The following PRR11 variants were observed in gnomAD, a reference collection of about 807,000 sequenced individuals.
The protein encoded by PRR11 is proline rich 11.
In PRR11, 30 loss-of-function variants were observed where a neutral mutation model predicts 45.6. That is an observed-to-expected ratio of 0.66 (90% CI 0.49 to 0.89). The LOEUF (loss-of-function observed/expected upper bound fraction) is 0.89, where lower values mean the gene tolerates loss of function less well. PRR11 is among the 40% of genes least tolerant of loss of function. The pLI is 0.00. For missense variants in PRR11, 373 were observed against 424.8 expected, an observed-to-expected ratio of 0.88 and a Z score of 1.07; for synonymous variants, 128 against 153.5, an observed-to-expected ratio of 0.83 and a Z score of 1.23.
intron 2 of PRR11, chr17:59,177,388 C>T (rs540276801): frequency 4.0e-5 from 20 of 501,476 alleles, no homozygotes; most frequent in African/African-American, 3.3e-4. Context: ...TGACTGTGCT[C>T]ATGTGGAAAT....
chr17:59,162,802 C>T (rs529154315), intron 1 of PRR11, among the ~76,000 whole-genome samples: 33 of 146,600 alleles, frequency 2.3e-4, no homozygotes, highest in African/African-American at 7.7e-4. Context: ...GATCTCGGCT[C>T]ACCGCAACCT....
In PRR11 at chr17:59,197,777, G is replaced by T. The variant is rs1321285013; in HGVS notation, c.1002G>T (p.Arg334Ser). The T allele has an allele frequency of 1.2e-6, 2 of 1,613,456 alleles. No individual in the cohort carries two copies. The highest frequency in any genetic ancestry group is 2.2e-5 in the South Asian group (2 of 91,072). The change falls in exon 9 of 10, where the codon AGG (arginine) becomes AGT (serine). Residue 334 changes from arginine (R) to serine (S), a missense_variant. Coordinates refer to ENST00000262293, the MANE Select transcript of PRR11 (RefSeq NM_018304.4). ...CTCCAGTGATGACGCAGGCCTTAAGGAGAAAGTTTCAGGTAACCCTTTAGG... is the reference window on the plus strand; with the variant it reads ...CTCCAGTGATGACGCAGGCCTTAAGTAGAAAGTTTCAGGTAACCCTTTAGG... ...GLTPVMTQAL[R>S]RKFQLAHPRS...
chr17:59,197,512 A>T, intron 7 of PRR11, 32 bp from the exon 8 acceptor site: 1 of 1,597,600 alleles, frequency 6.3e-7, no homozygotes, highest in South Asian at 1.1e-5. Context: ...CAGCCTCCCA[A>T]AGTTCTAATT....
chr17:59,185,205 G>C lies in PRR11; in HGVS notation c.279+1G>C, dbSNP rs947379688. 6.2e-7 allele frequency: 1 copy of C among 1,613,334 alleles called. No homozygotes were observed. Among genetic ancestry groups the C allele is most frequent in the Non-Finnish European group, 8.5e-7 (1 of 1,179,654 alleles). The stretch of plus-strand genomic sequence containing the variant: ...CTGGTGCCAGAACTGCATAACCCAG[G>C]TATGGATGTGACATCCCTGTTTTCA... On this transcript the variant is annotated splice_donor_variant, in intron 3 of 9. Coordinates refer to ENST00000262293, the MANE Select transcript of PRR11 (RefSeq NM_018304.4). LOFTEE classifies it high-confidence loss of function.
At position 59,185,216 on chromosome 17, in the gene PRR11, A is replaced by T; in HGVS notation, c.279+12A>T. On this transcript the variant is annotated intron_variant, in intron 3 of 9. Transcript: ENST00000262293. ...ACTGCATAACCCAGGTATGGATGTG[A>T]CATCCCTGTTTTCAGTGCTATAGTT... 1 of 1,612,848 alleles carries T rather than the reference A, an allele frequency of 6.2e-7. No individual in the cohort carries two copies.
chr17:59,175,466 A>G (rs1253833218), intron 2 of PRR11, among the ~76,000 whole-genome samples: 1 of 152,172 alleles, frequency 6.6e-6, no homozygotes, highest in Admixed American at 6.5e-5. Flanking sequence ...TCTCTATAAA[A>G]AATGTAAAAG....
At chr17:59,189,686 T>A (rs2046832044) in intron 4 of PRR11, among the ~76,000 whole-genome samples, 2 of 152,114 alleles carry the variant, frequency 1.3e-5, no homozygotes, top group Non-Finnish European at 2.9e-5. Context: ...AGCAAAAAAA[T>A]TAAATTAAAC....
rs1258308698 is a variant in PRR11, at chr17:59,155,752, G to A, written c.-59G>A. 6.2e-6 allele frequency: 1 copy of A among 162,554 alleles called. No homozygotes were observed. Among genetic ancestry groups the A allele is most frequent in the Non-Finnish European group, 1.4e-5 (1 of 72,976 alleles). 10.1% of individuals were successfully genotyped at this position (162,554 alleles called of 1,614,324 possible). On this transcript the variant is annotated 5_prime_UTR_variant, in exon 1 of 10. It removes an upstream start codon present in the reference 5' UTR. Transcript: ENST00000262293. Reference sequence around the variant, plus strand: ...GATTTAATTTTGAATTTTTCTTTATGGCGTGGGAGAGGCCACAGCCCGGAC... The same window carrying A: ...GATTTAATTTTGAATTTTTCTTTATAGCGTGGGAGAGGCCACAGCCCGGAC...
At chr17:59,174,863 G>T (rs1043816395) in intron 2 of PRR11, 1 of 1,236,284 alleles carries the variant, frequency 8.1e-7, no homozygotes, top group Non-Finnish European at 1.2e-6. Flanking sequence ...CCCTTAAGAA[G>T]ATGGGGACTC....
chr17:59,164,878 C>CA lies in PRR11; in HGVS notation c.-5-4857dup, dbSNP rs1164045099. 2.5e-3 allele frequency among the ~76,000 whole-genome samples: 330 copies of CA among 130,088 alleles called. 1 individual carries two copies. In the South Asian group the frequency reaches 0.027, roughly 11 times the overall value. The allele number at this position is 130,088 out of a possible 152,430, so 85.3% of individuals were successfully genotyped here. On this transcript the variant is annotated intron_variant, in intron 1 of 9. Coordinates refer to ENST00000262293, the MANE Select transcript of PRR11 (RefSeq NM_018304.4). ...TGCACGACAGAGCAAGACCGTGTCT[C>CA]AAAAAAAAAAAAAGGTCCTGACCAT...
Position 59,206,381 on chromosome 17 carries a change from A to G in PRR11, c.*4750A>G, listed in dbSNP as rs555815551. On this transcript the variant is annotated 3_prime_UTR_variant, in exon 10 of 10. Coordinates refer to ENST00000262293, the MANE Select transcript of PRR11 (RefSeq NM_018304.4). ...AAGACTCCATCTCAAAAAGAAAAGA[A>G]AAAATGCTTTGCTACATAATGAGGC... Among the ~76,000 whole-genome samples, 27 of 152,296 alleles carry G rather than the reference A, an allele frequency of 1.8e-4. No homozygotes were observed. Among genetic ancestry groups the G allele is most frequent in the African/African-American group, 6.3e-4 (26 of 41,556 alleles).
At chr17:59,166,818 A>G (rs1599691797) in intron 1 of PRR11, among the ~76,000 whole-genome samples, 1 of 152,124 alleles carries the variant, frequency 6.6e-6, no homozygotes, top group African/African-American at 2.4e-5. Flanking sequence ...ATCAAGTGGC[A>G]TTGCCACTTT....
chr17:59,156,927 G>A (rs1419583111), intron 1 of PRR11, among the ~76,000 whole-genome samples: 7 of 152,084 alleles, frequency 4.6e-5, no homozygotes, highest in Non-Finnish European at 1.0e-4. Flanking sequence ...ACGCTCGGCC[G>A]CAAAGAACTT....
At chr17:59,163,080 AAATT>A (rs990440163) in intron 1 of PRR11, among the ~76,000 whole-genome samples, 22 of 150,630 alleles carry the variant, frequency 1.5e-4, no homozygotes, top group African/African-American at 5.4e-4. Flanking sequence ...TTGGTTAAAT[AAATT>A]GTCAATGCTT....
chr17:59,191,384 A>G (rs918459509), intron 4 of PRR11, among the ~76,000 whole-genome samples: 5 of 151,552 alleles, frequency 3.3e-5, no homozygotes, highest in African/African-American at 1.2e-4. Flanking sequence ...ACGCCTCGCT[A>G]ATTTTTGTGT....
intron 2 of PRR11, among the ~76,000 whole-genome samples, chr17:59,180,263 T>C (rs1568322611): frequency 6.6e-6 from 1 of 151,112 alleles, no homozygotes. Flanking sequence ...CCCAAGTAGC[T>C]GGGATTACAG....
chr17:59,177,376 G>T (rs2046753647), intron 2 of PRR11: 3 of 519,862 alleles, frequency 5.8e-6, no homozygotes, highest in Non-Finnish European at 1.2e-5. Context: ...TGAGTGTTGG[G>T]GTGACTGTGC....
At chr17:59,180,362 C>A (rs1257784544) in intron 2 of PRR11, among the ~76,000 whole-genome samples, 4 of 151,214 alleles carry the variant, frequency 2.6e-5, no homozygotes. Context: ...AACTCCTGGC[C>A]TCAAGTGATC....
chr17:59,155,976 T>C (rs1199797051), intron 1 of PRR11, among the ~76,000 whole-genome samples, 171 bp downstream of exon 1: 2 of 152,152 alleles, frequency 1.3e-5, no homozygotes, highest in Non-Finnish European at 2.9e-5. Context: ...GTGCTCGGCC[T>C]GGCTTCATCT....
Sources: allele counts gnomAD v4.1 joint callset (sites outside exome capture counted in the v4.1 genomes callset), GRCh38; gene constraint gnomAD v4.1.1; transcripts MANE v1.5; gene names NCBI Gene and HGNC (gene_info 2026-07-23, HGNC 2026-07-21).